Variants in TAFA1 observed in about 807,000 individuals in gnomAD.
TAFA1 encodes chemokine-like protein TAFA-1.
A neutral mutation model predicts 18.5 loss-of-function variants in TAFA1; 4 were observed. The ratio of observed to expected loss-of-function variants is 0.22; its 90% CI spans 0.11 to 0.49. The LOEUF is 0.49. Ranked by LOEUF, TAFA1 falls within the 20% of genes least tolerant of loss-of-function variation. The probability of loss-of-function intolerance (pLI) is 0.98; values close to 1 mark genes in which losing one functional copy is unlikely to be tolerated. For synonymous variants in TAFA1, 56 were observed against 55.2 expected (o/e 1.01, Z -0.06); for missense variants, 147 against 169.0 (o/e 0.87, Z 0.72).
intron 2 of TAFA1, 102 bp from the exon 3 acceptor site, chr3:68,417,178 A>C: frequency 2.3e-6 from 2 of 861,216 alleles, no homozygotes; most frequent in East Asian, 2.6e-5. Flanking sequence ...CTGTTTCTAT[A>C]ATTTCAATTA....
At chr3:68,521,688 T>C (rs1457509979) in intron 3 of TAFA1, among the ~76,000 whole-genome samples, 2 of 152,086 alleles carry the variant, frequency 1.3e-5, no homozygotes, top group Admixed American at 6.5e-5. Flanking sequence ...AATGATTTTC[T>C]TGTATTTGAG....
At chr3:68,393,848 T>C (rs2070317486) in intron 2 of TAFA1, among the ~76,000 whole-genome samples, 2 of 152,176 alleles carry the variant, frequency 1.3e-5, no homozygotes, top group South Asian at 2.1e-4. Context: ...AAACTAGGTA[T>C]TGATGGAATG....
At chr3:68,087,516 C>G (rs2064984595) in intron 2 of TAFA1, among the ~76,000 whole-genome samples, 1 of 148,290 alleles carries the variant, frequency 6.7e-6, no homozygotes, top group African/African-American at 2.5e-5. Context: ...TCTTCCCTCC[C>G]TTCCTTCCTC....
intron 2 of TAFA1, chr3:68,145,752 GT>G: frequency 5.0e-6 from 3 of 603,598 alleles, no homozygotes; most frequent in Non-Finnish European, 8.9e-6. Context: ...TCCTTACTAT[GT>G]GATAAAATAC....
At chr3:68,409,567 C>G (rs2070673990) in intron 2 of TAFA1, among the ~76,000 whole-genome samples, 1 of 152,150 alleles carries the variant, frequency 6.6e-6, no homozygotes, top group African/African-American at 2.4e-5. Flanking sequence ...TGAGGCCTCC[C>G]AAGTCATGCA....
At chr3:68,385,150 A>G (rs2070064607) in intron 2 of TAFA1, among the ~76,000 whole-genome samples, 1 of 152,070 alleles carries the variant, frequency 6.6e-6, no homozygotes, top group Admixed American at 6.6e-5. Context: ...GGAGGTAATA[A>G]TAGAGCCTAC....
intron 3 of TAFA1, among the ~76,000 whole-genome samples, chr3:68,436,802 A>G (rs540243326): frequency 1.3e-5 from 2 of 152,166 alleles, no homozygotes; most frequent in Non-Finnish European, 2.9e-5. Flanking sequence ...GTCACTGGTT[A>G]TGAATAACCC....
rs2064635211 is a variant in TAFA1 at position 68,063,640 on chromosome 3, AG to A, written c.118+56899del. 3.3e-5 allele frequency among the ~76,000 whole-genome samples: 5 copies of A among 152,156 alleles called. No individual in the cohort carries two copies. In the South Asian group the frequency reaches 1.0e-3, roughly 32 times the overall value. Reference sequence around the variant, plus strand: ...ATGCAGATGGCTTGAAAAATCACTTAGGGTTCTTACTACAGGTATTTTGAAA... The same window carrying A: ...ATGCAGATGGCTTGAAAAATCACTTAGGTTCTTACTACAGGTATTTTGAAA... On this transcript the variant is annotated intron_variant, in intron 2 of 4. Transcript: ENST00000478136.
intron 2 of TAFA1, among the ~76,000 whole-genome samples, chr3:68,030,035 G>C (rs532286866): frequency 6.6e-6 from 1 of 152,106 alleles, no homozygotes; most frequent in African/African-American, 2.4e-5. Context: ...TCAAGTGTAA[G>C]CTGAATTCCC....
chr3:68,371,881 C>G (rs1378510822), intron 2 of TAFA1, among the ~76,000 whole-genome samples: 1 of 152,130 alleles, frequency 6.6e-6, no homozygotes, highest in Non-Finnish European at 1.5e-5. Context: ...GTGTCAGTAC[C>G]AGCTAATTGC....
At chr3:68,278,577 A>G (rs775121033) in intron 2 of TAFA1, among the ~76,000 whole-genome samples, 2 of 152,120 alleles carry the variant, frequency 1.3e-5, no homozygotes, top group Non-Finnish European at 2.9e-5. Context: ...TTTTCTGTCT[A>G]GTGCAGAGAT....
chr3:68,539,221 A>C (rs2073325660), intron 4 of TAFA1, among the ~76,000 whole-genome samples: 1 of 152,204 alleles, frequency 6.6e-6, no homozygotes, highest in Admixed American at 6.5e-5. Flanking sequence ...TCCCTAATTC[A>C]TCCAGATGGT....
intron 2 of TAFA1, among the ~76,000 whole-genome samples, chr3:68,187,198 A>G (rs555699307): frequency 3.3e-5 from 5 of 152,110 alleles, no homozygotes; most frequent in Admixed American, 2.6e-4. Flanking sequence ...ATTTGACATC[A>G]CCTTCTGTTT....
intron 2 of TAFA1, among the ~76,000 whole-genome samples, chr3:68,403,466 G>C (rs2136715): frequency 3.3e-5 from 5 of 152,030 alleles, no homozygotes; most frequent in Non-Finnish European, 5.9e-5. Context: ...CGTCTAAAAC[G>C]GGTTGGCAAA....
intron 2 of TAFA1, among the ~76,000 whole-genome samples, chr3:68,274,840 CTCTT>C (rs1177936827): frequency 2.6e-5 from 4 of 152,150 alleles, no homozygotes; most frequent in Admixed American, 6.6e-5. Context: ...CTCTCTGTTT[CTCTT>C]TCTTTCTTGT....
At chr3:68,020,179 G>A (rs556161139) in intron 2 of TAFA1, among the ~76,000 whole-genome samples, 1 of 152,302 alleles carries the variant, frequency 6.6e-6, no homozygotes, top group African/African-American at 2.4e-5. Flanking sequence ...AATGGGCCAC[G>A]TAGCATCTAC....
At chr3:68,532,799 A>T (rs1347180465) in intron 3 of TAFA1, among the ~76,000 whole-genome samples, 1 of 151,784 alleles carries the variant, frequency 6.6e-6, no homozygotes, top group African/African-American at 2.4e-5. Context: ...AAATTCTCTC[A>T]TTGTAAATTT....
At chr3:68,203,671 T>C (rs190330685) in intron 2 of TAFA1, among the ~76,000 whole-genome samples, 114 of 151,788 alleles carry the variant, frequency 7.5e-4, no homozygotes, top group African/African-American at 2.6e-3. Context: ...TGAGCTGGAA[T>C]TGGTATTTAT....
chr3:68,502,016 C>A (rs2072666411), intron 3 of TAFA1, among the ~76,000 whole-genome samples: 2 of 152,060 alleles, frequency 1.3e-5, no homozygotes, highest in South Asian at 2.1e-4. Context: ...GGTTAGAAAC[C>A]CAATCATTCA....
Sources: allele counts gnomAD v4.1 joint callset (sites outside exome capture counted in the v4.1 genomes callset), GRCh38; gene constraint gnomAD v4.1.1; transcripts MANE v1.5; gene names NCBI Gene and HGNC (gene_info 2026-07-23, HGNC 2026-07-21).